The following MALRD1 variants were observed in gnomAD, a reference collection of about 807,000 sequenced individuals.
MALRD1 encodes MAM and LDL-receptor class A domain-containing protein 1.
A neutral mutation model predicts 242.1 loss-of-function variants in MALRD1; 247 were observed. The ratio of observed to expected loss-of-function variants is 1.02; its 90% CI spans 0.92 to 1.13. The LOEUF (loss-of-function observed/expected upper bound fraction) is 1.13, where lower values mean the gene tolerates loss of function less well. MALRD1 is among the 50% of genes most tolerant of loss of function. The pLI, the probability that MALRD1 is intolerant of heterozygous loss-of-function variation, is 0.00. For missense variants in MALRD1, 2,989 were observed against 2,533.1 expected (o/e 1.18, Z -3.86); for synonymous variants, 995 against 866.6 (o/e 1.15, Z -2.60).
intron 21 of MALRD1, among the ~76,000 whole-genome samples, chr10:19,302,955 G>A (rs190906326): frequency 7.1e-4 from 107 of 151,720 alleles, no homozygotes; most frequent in South Asian, 5.4e-3. Context: ...GTTAGTTAGG[G>A]AAGGAAATGA....
In MALRD1 at chr10:19,553,835, C is replaced by T. The variant is rs938113374; in HGVS notation, c.5479-13667C>T. 3.3e-5 allele frequency among the ~76,000 whole-genome samples: 5 copies of T among 152,132 alleles called. No individual in the cohort carries two copies. The South Asian group carries it at 6.2e-4, about 19-fold the overall frequency. On this transcript the variant is annotated intron_variant, in intron 32 of 39. Transcript: ENST00000454679. ...TTACTGATGGTGAGTAACATAGGCA[C>T]GTCCCTTATTCTCTCTCGTCTCCTA...
At chr10:19,584,546 T>C (rs1837294615) in intron 33 of MALRD1, among the ~76,000 whole-genome samples, 1 of 152,202 alleles carries the variant, frequency 6.6e-6, no homozygotes, top group Non-Finnish European at 1.5e-5. Context: ...TGAGTGAGTT[T>C]CTTAATCCTG....
In MALRD1 at chr10:19,489,177, A is replaced by T. The variant is rs1446911798; in HGVS notation, c.5030-2340A>T. 8.5e-6 allele frequency: 4 copies of T among 471,158 alleles called. No homozygotes were observed. The Admixed American group carries it at 9.4e-5, about 11-fold the overall frequency. 29.2% of individuals were successfully genotyped at this position (471,158 alleles called of 1,614,324 possible). A position where few individuals can be genotyped will look rare whatever the true frequency, so the allele number is the denominator to read the frequency against. On this transcript the variant is annotated intron_variant, in intron 29 of 39. Coordinates refer to ENST00000454679, the MANE Select transcript of MALRD1 (RefSeq NM_001142308.3). The stretch of plus-strand genomic sequence containing the variant: ...AGGAGGTCAGCGCTGTTGTCAGGTA[A>T]ACCTGCTCCTGCAAAAGTGCAGGCG...
At chr10:19,222,000 T>C (rs1837574705) in intron 18 of MALRD1, among the ~76,000 whole-genome samples, 1 of 152,140 alleles carries the variant, frequency 6.6e-6, no homozygotes, top group African/African-American at 2.4e-5. Flanking sequence ...AGTGTGAACA[T>C]AAATGCTTTC....
intron 11 of MALRD1, among the ~76,000 whole-genome samples, chr10:19,151,531 G>T (rs552623858): frequency 2.6e-5 from 4 of 151,862 alleles, no homozygotes; most frequent in East Asian, 1.9e-4. Context: ...TCCTTTTGTT[G>T]TTTTATGTAC....
chr10:19,436,784 G>T (rs890593565), intron 28 of MALRD1, among the ~76,000 whole-genome samples: 3 of 152,014 alleles, frequency 2.0e-5, no homozygotes, highest in Admixed American at 2.0e-4. Context: ...TTTTTAAATG[G>T]CTTACTTTTA....
intron 13 of MALRD1, among the ~76,000 whole-genome samples, chr10:19,168,157 C>G (rs369577136): frequency 6.6e-6 from 1 of 152,138 alleles, no homozygotes; most frequent in Non-Finnish European, 1.5e-5. Context: ...CCCCAACGTC[C>G]CTTCTCAAAG....
At chr10:19,139,581 GT>G (rs1350725115) in intron 10 of MALRD1, among the ~76,000 whole-genome samples, 1 of 152,188 alleles carries the variant, frequency 6.6e-6, no homozygotes, top group Non-Finnish European at 1.5e-5. Context: ...CACAGCCAGT[GT>G]GCTTTTCCCC....
chr10:19,725,984 A>G (rs142316353), intron 38 of MALRD1, among the ~76,000 whole-genome samples: 255 of 152,344 alleles, frequency 1.7e-3, no homozygotes, highest in African/African-American at 5.7e-3. Flanking sequence ...AGCAAAAGCC[A>G]TAATGCATTT....
chr10:19,348,087 A>C (rs368360565), intron 25 of MALRD1, 69 bp downstream of exon 25: 7 of 1,490,580 alleles, frequency 4.7e-6, no homozygotes, highest in Non-Finnish European at 6.3e-6. Context: ...ATAAATTGAC[A>C]TACGGAAAAC....
At chr10:19,327,019 G>A (rs545515858) in intron 22 of MALRD1, among the ~76,000 whole-genome samples, 9 of 152,142 alleles carry the variant, frequency 5.9e-5, no homozygotes, top group Admixed American at 5.9e-4. Context: ...CAGTACTGAT[G>A]AGAATATGTT....
chr10:19,346,181 G>A (rs1420033083), intron 24 of MALRD1, among the ~76,000 whole-genome samples: 1 of 152,114 alleles, frequency 6.6e-6, no homozygotes, highest in Non-Finnish European at 1.5e-5. Context: ...ATAACTATAA[G>A]AATGTATCTA....
chr10:19,334,602 C>T (rs1390680870), intron 24 of MALRD1, among the ~76,000 whole-genome samples: 1 of 151,854 alleles, frequency 6.6e-6, no homozygotes, highest in Non-Finnish European at 1.5e-5. Flanking sequence ...TATAGATGTC[C>T]TTTTAAAATC....
intron 31 of MALRD1, among the ~76,000 whole-genome samples, chr10:19,508,389 CTG>C (rs1208732479): frequency 6.6e-6 from 1 of 152,076 alleles, no homozygotes; most frequent in Non-Finnish European, 1.5e-5. Flanking sequence ...TTTTAAAACA[CTG>C]TGATGTAAAA....
chr10:19,604,901 G>A (rs1029120012), intron 34 of MALRD1, among the ~76,000 whole-genome samples: 3 of 152,002 alleles, frequency 2.0e-5, no homozygotes, highest in Non-Finnish European at 4.4e-5. Context: ...CTGGAACTGA[G>A]CCTGCCATAT....
chr10:19,670,093 A>C (rs201901147), intron 36 of MALRD1, among the ~76,000 whole-genome samples: 26 of 115,120 alleles, frequency 2.3e-4, no homozygotes, highest in African/African-American at 3.1e-4. Context: ...CACACACACA[A>C]ACACACACAC....
At chr10:19,285,421 A>G (rs1386047792) in intron 21 of MALRD1, among the ~76,000 whole-genome samples, 1 of 149,996 alleles carries the variant, frequency 6.7e-6, no homozygotes, top group African/African-American at 2.5e-5. Flanking sequence ...TCTTGAATTG[A>G]TTTTTGTATA....
intron 36 of MALRD1, among the ~76,000 whole-genome samples, chr10:19,653,415 T>A (rs1436546862): frequency 6.6e-6 from 1 of 152,104 alleles, no homozygotes; most frequent in Middle Eastern, 3.2e-3. Context: ...CCCAGGCTGG[T>A]CTCAAACTCC....
intron 35 of MALRD1, among the ~76,000 whole-genome samples, chr10:19,609,026 C>G (rs1187199884): frequency 6.6e-6 from 1 of 152,002 alleles, no homozygotes; most frequent in African/African-American, 2.4e-5. Flanking sequence ...TACATAAAGA[C>G]AAGATTATCT....
Sources: allele counts gnomAD v4.1 joint callset (sites outside exome capture counted in the v4.1 genomes callset), GRCh38; gene constraint gnomAD v4.1.1; transcripts MANE v1.5; gene names NCBI Gene and HGNC (gene_info 2026-07-23, HGNC 2026-07-21).